The following KIRREL3 variants were observed in gnomAD, a reference collection of about 807,000 sequenced individuals.
The protein encoded by KIRREL3 is kirre like nephrin family adhesion molecule 3, also known as kin of IRRE-like protein 3.
KIRREL3 carries 36 observed loss-of-function variants against 89.7 expected under a neutral mutation model. The ratio of observed to expected loss-of-function variants is 0.40; its 90% CI spans 0.31 to 0.53. The LOEUF is 0.53. KIRREL3 is among the 20% of genes least tolerant of loss of function. The pLI, the probability that KIRREL3 is intolerant of heterozygous loss-of-function variation, is 0.49. For missense variants in KIRREL3, 864 were observed against 1,056.6 expected (o/e 0.82, Z 2.53); for synonymous variants, 445 against 441.4 (o/e 1.01, Z -0.10).
Position 126,622,989 on chromosome 11 carries a change from G to A in KIRREL3, c.56-60077C>T, listed in dbSNP as rs778567195. On this transcript the variant is annotated intron_variant, in intron 1 of 16. Transcript: ENST00000525144. This position sits in a 1 kb window ranked among gnomAD's most constrained non-coding sequence, Gnocchi z 5.2. ...TCACACAGCTAGAGAGTGGTAGACC[G>A]AGAATTCAAACCCAGGCAATCTGAT... Among the ~76,000 whole-genome samples, 2 of 152,162 alleles carry A rather than the reference G, an allele frequency of 1.3e-5. No homozygotes were observed. Among genetic ancestry groups the A allele is most frequent in the Non-Finnish European group, 2.9e-5 (2 of 68,028 alleles).
rs542019080 is a variant in KIRREL3, at chr11:126,445,108, A to G, written c.1126-3T>C. ...AGGGTCTTCTCATTGCTCAGGACCT[A>G]GGAGAATTGGCAGGCTCAGATGCCA... On this transcript the variant is annotated splice_polypyrimidine_tract_variant and splice_region_variant and intron_variant, in intron 9 of 16. Transcript: ENST00000525144. 13 of 1,613,844 alleles carry G rather than the reference A, an allele frequency of 8.1e-6. No individual in the cohort carries two copies. The South Asian group carries it at 8.8e-5, about 11-fold the overall frequency.
intron 1 of KIRREL3, among the ~76,000 whole-genome samples, chr11:126,826,309 GA>G (rs1326477111): frequency 6.6e-6 from 1 of 152,224 alleles, no homozygotes; most frequent in Middle Eastern, 3.2e-3. Context: ...ACTGCTTGCA[GA>G]TTGAATGAAT....
intron 1 of KIRREL3, among the ~76,000 whole-genome samples, chr11:126,572,826 A>G (rs1941037790): frequency 6.6e-6 from 1 of 152,176 alleles, no homozygotes. Flanking sequence ...TATGGCCCAC[A>G]TAAAACTCTG....
chr11:126,453,095 C>T (rs1956236324), intron 7 of KIRREL3, among the ~76,000 whole-genome samples: 1 of 151,578 alleles, frequency 6.6e-6, no homozygotes, highest in Non-Finnish European at 1.5e-5. Flanking sequence ...CCCACCTCCC[C>T]CAGCCCCTCT....
intron 2 of KIRREL3, among the ~76,000 whole-genome samples, chr11:126,548,149 T>C (rs541004444): frequency 6.6e-6 from 1 of 152,274 alleles, no homozygotes; most frequent in South Asian, 2.1e-4. Context: ...CACGAGCCTG[T>C]CATCTGTACC....
intron 1 of KIRREL3, among the ~76,000 whole-genome samples, chr11:126,617,518 A>G (rs1364181857): frequency 1.3e-5 from 2 of 152,266 alleles, no homozygotes; most frequent in Non-Finnish European, 2.9e-5. Flanking sequence ...TCAGGAAAAG[A>G]AATATATGCC....
In KIRREL3 at chr11:126,436,947, G is replaced by A. The variant is rs756316051; in HGVS notation, c.1416C>T (p.Thr472=). The change falls in exon 12 of 17, where the codon ACC becomes ACT. Residue 472 remains threonine (T), a synonymous_variant. Coordinates refer to ENST00000525144, the MANE Select transcript of KIRREL3 (RefSeq NM_032531.4). The part of the protein sequence containing the change: ...SGTSGRYTVE[T]ISTEEGVIST... Reference sequence around the variant, plus strand: ...AGATGACGCCCTCCTCGGTGCTGATGGTCTCCACCGTATAGCGCCCCGATG... The same window carrying A: ...AGATGACGCCCTCCTCGGTGCTGATAGTCTCCACCGTATAGCGCCCCGATG... 6.2e-7 allele frequency: 1 copy of A among 1,610,320 alleles called. No individual in the cohort carries two copies. The highest frequency in any genetic ancestry group is 8.5e-7 in the Non-Finnish European group (1 of 1,178,294).
intron 5 of KIRREL3, among the ~76,000 whole-genome samples, chr11:126,464,219 G>A (rs1195517217): frequency 6.6e-6 from 1 of 151,894 alleles, no homozygotes; most frequent in Non-Finnish European, 1.5e-5. Flanking sequence ...AAGAAGAGAA[G>A]AGAGTCTGCT....
Position 126,498,144 on chromosome 11 carries a change from C to G in KIRREL3, c.433+23171G>C, listed in dbSNP as rs892974170. Among the ~76,000 whole-genome samples, 2 of 152,194 alleles carry G rather than the reference C, an allele frequency of 1.3e-5. No homozygotes were observed. Among genetic ancestry groups the G allele is most frequent in the East Asian group, 3.9e-4 (2 of 5,194 alleles). ...CTGCATCACACTGGTCTGGACCAAG[C>G]TGATTGAGTGAAAGGGGGCAGAGTT... On this transcript the variant is annotated intron_variant, in intron 4 of 16. Transcript: ENST00000525144. The surrounding 1 kb of genome is among the most constrained non-coding windows in gnomAD (Gnocchi z 4.3).
chr11:126,662,199 G>T (rs1469423173), intron 1 of KIRREL3, among the ~76,000 whole-genome samples: 1 of 152,172 alleles, frequency 6.6e-6, no homozygotes, highest in East Asian at 1.9e-4. Context: ...ACTGCTGAAT[G>T]GCAGCATTAG....
intron 1 of KIRREL3, among the ~76,000 whole-genome samples, chr11:126,865,923 C>T (rs963392134): frequency 2.0e-5 from 3 of 152,036 alleles, no homozygotes; most frequent in African/African-American, 2.4e-5. Flanking sequence ...TCACCTCCAC[C>T]GAGTTTCCGG....
chr11:126,712,908 T>C (rs975555502), intron 1 of KIRREL3, among the ~76,000 whole-genome samples: 3 of 152,236 alleles, frequency 2.0e-5, no homozygotes, highest in Non-Finnish European at 4.4e-5. Context: ...TAGACATTTA[T>C]TGAGTGCCTT....
At position 126,821,351 on chromosome 11, in the gene KIRREL3, A is replaced by ATATATATATATATATATATATATATATG. The variant is rs756545626; in HGVS notation, c.55+179103_55+179104insCATATATATATATATATATATATATATA. On this transcript the variant is annotated intron_variant, in intron 1 of 16. Transcript: ENST00000525144. ...ACAGTATATATATATATATATATAT[A>ATATATATATATATATATATATATATATG]TGTAACTTCCAACCAACATCCCTTC... 4.3e-4 allele frequency among the ~76,000 whole-genome samples: 45 copies of ATATATATATATATATATATATATATATG among 105,212 alleles called. 1 individual carries two copies. The highest frequency in any genetic ancestry group is 1.9e-3 in the African/African-American group (44 of 22,996). 69.0% of individuals were successfully genotyped at this position (105,212 alleles called of 152,430 possible). A position where few individuals can be genotyped will look rare whatever the true frequency, so the allele number is the denominator to read the frequency against.
chr11:126,816,256 G>A (rs992650251), intron 1 of KIRREL3, among the ~76,000 whole-genome samples: 18 of 152,220 alleles, frequency 1.2e-4, no homozygotes, highest in African/African-American at 3.4e-4. Flanking sequence ...AGGACAGTAT[G>A]TATTCTTTAT....
At position 126,977,353 on chromosome 11, in the gene KIRREL3, T is replaced by C. The variant is rs1054714705; in HGVS notation, c.55+23102A>G. Among the ~76,000 whole-genome samples, 6 of 152,206 alleles carry C rather than the reference T, an allele frequency of 3.9e-5. No homozygotes were observed. The highest frequency in any genetic ancestry group is 6.5e-5 in the Admixed American group (1 of 15,280). ...TTTGGTGCTGTCAAAACACTGAAGC[T>C]GCCATCTTTCTTGAGCCACCTTTCT... On this transcript the variant is annotated intron_variant, in intron 1 of 16. Coordinates refer to ENST00000525144, the MANE Select transcript of KIRREL3 (RefSeq NM_032531.4). This position sits in a 1 kb window ranked among gnomAD's most constrained non-coding sequence, Gnocchi z 4.7.
At chr11:126,960,809 T>A (rs1025064149) in intron 1 of KIRREL3, among the ~76,000 whole-genome samples, 3 of 152,350 alleles carry the variant, frequency 2.0e-5, no homozygotes, top group Middle Eastern at 6.8e-3. Flanking sequence ...TTGCATTTTT[T>A]ACAGCTTGAA....
intron 1 of KIRREL3, among the ~76,000 whole-genome samples, chr11:126,595,511 AGTTTACCAAGT>A (rs796770674): frequency 1.3e-5 from 2 of 152,308 alleles, no homozygotes; most frequent in African/African-American, 4.8e-5. Context: ...GAGCCTCTTT[AGTTTACCAAGT>A]GTTTACCTGA....
Position 126,906,414 on chromosome 11 carries a change from C to T in KIRREL3, c.55+94041G>A, listed in dbSNP as rs12418633. On this transcript the variant is annotated intron_variant, in intron 1 of 16. Transcript: ENST00000525144. This position sits in a 1 kb window ranked among gnomAD's most constrained non-coding sequence, Gnocchi z 4.1. Reference sequence around the variant, plus strand: ...AAGAGGGAAACTGAGGCTTAAGGAACGGAAGTATTAGCAGCAAGGTTACTC... The same window carrying T: ...AAGAGGGAAACTGAGGCTTAAGGAATGGAAGTATTAGCAGCAAGGTTACTC... 0.13 allele frequency among the ~76,000 whole-genome samples: 19,144 copies of T among 152,100 alleles called. 1,509 individuals are homozygous for T. The highest frequency in any genetic ancestry group is 0.4 in the East Asian group (2,070 of 5,144).
rs143881035 is a variant in KIRREL3, at chr11:126,811,130, C to T, written c.55+189325G>A. Among the ~76,000 whole-genome samples, 44 of 152,316 alleles carry T rather than the reference C, an allele frequency of 2.9e-4. 1 individual carries two copies. The East Asian group carries it at 7.1e-3, about 25-fold the overall frequency. The stretch of plus-strand genomic sequence containing the variant: ...GTGTTGACATCCCCTTCTAAGCTCC[C>T]GCAGCAGCCAGGCTCTTAAGCAGCC... On this transcript the variant is annotated intron_variant, in intron 1 of 16. Coordinates refer to ENST00000525144, the MANE Select transcript of KIRREL3 (RefSeq NM_032531.4). The surrounding 1 kb of genome is among the most constrained non-coding windows in gnomAD (Gnocchi z 4.3).
Sources: allele counts gnomAD v4.1 joint callset (sites outside exome capture counted in the v4.1 genomes callset), GRCh38; gene constraint gnomAD v4.1.1; non-coding constraint Gnocchi (gnomAD v3.1); transcripts MANE v1.5; gene names NCBI Gene and HGNC (gene_info 2026-07-23, HGNC 2026-07-21).